NOX3: variants seen among roughly 807,000 people sequenced by gnomAD.
The protein encoded by NOX3 is NADPH oxidase 3.
Under a neutral mutation model 76.7 loss-of-function variants are expected in NOX3, and 74 were observed. The ratio of observed to expected loss-of-function variants is 0.96; its 90% confidence interval spans 0.80 to 1.17. NOX3 has a LOEUF of 1.17. NOX3 is among the 50% of genes most tolerant of loss of function. The pLI, the probability that NOX3 is intolerant of heterozygous loss-of-function variation, is 0.00. For missense variants in NOX3, 695 were observed against 703.3 expected, an observed-to-expected ratio of 0.99 and a Z score of 0.13; for synonymous variants, 263 against 261.1, an observed-to-expected ratio of 1.01 and a Z score of -0.07.
chr6:155,432,886 G>A (rs918842476), intron 7 of NOX3, among the ~76,000 whole-genome samples: 10 of 152,262 alleles, frequency 6.6e-5, no homozygotes, highest in East Asian at 1.9e-4. Context: ...GGGTTGGACC[G>A]AGCAAAGGAA....
chr6:155,416,317 G>A (rs1776620781), intron 10 of NOX3, among the ~76,000 whole-genome samples: 1 of 152,212 alleles, frequency 6.6e-6, no homozygotes, highest in African/African-American at 2.4e-5. Context: ...ATTTCTCTCT[G>A]TGAAAAGATA....
intron 12 of NOX3, among the ~76,000 whole-genome samples, chr6:155,397,686 C>T (rs1779157494): frequency 6.6e-6 from 1 of 152,162 alleles, no homozygotes; most frequent in African/African-American, 2.4e-5. Context: ...ATAATACATT[C>T]AAAAGGGTTT....
Position 155,443,360 on chromosome 6 carries a change from C to A in NOX3, c.399G>T (p.Glu133Asp), listed in dbSNP as rs1582946158. 3 of 1,614,040 alleles carry A rather than the reference C, an allele frequency of 1.9e-6. No individual in the cohort carries two copies. The highest frequency in any genetic ancestry group is 1.7e-6 in the Non-Finnish European group (2 of 1,179,954). The change falls in exon 5 of 14, where the codon GAG (glutamate) becomes GAT (aspartate). Residue 133 changes from glutamate to aspartate, a missense_variant. Transcript: ENST00000159060. ...GTGCGGCCAGAAGTCCCTGGGCCTC[C>A]TCGGACTGGCTCCAGTGGTAGCGTT... ...NLERYHWSQS[E>D]EAQGLLAALS...
At chr6:155,411,559 G>A (rs1776552745) in intron 10 of NOX3, among the ~76,000 whole-genome samples, 199 bp from the exon 11 acceptor site, 1 of 152,110 alleles carries the variant, frequency 6.6e-6, no homozygotes, top group Non-Finnish European at 1.5e-5. Flanking sequence ...GTTTGAAAAA[G>A]CCCAGAGTGA....
intron 7 of NOX3, among the ~76,000 whole-genome samples, chr6:155,433,012 G>A (rs554443097): frequency 4.6e-5 from 7 of 152,156 alleles, no homozygotes; most frequent in Non-Finnish European, 7.3e-5. Context: ...AGAGATACTG[G>A]CAAAGACACT....
At chr6:155,431,324 C>T (rs1325396596) in intron 7 of NOX3, among the ~76,000 whole-genome samples, 1 of 151,878 alleles carries the variant, frequency 6.6e-6, no homozygotes, top group Non-Finnish European at 1.5e-5. Flanking sequence ...CAACACAGGA[C>T]ATAAGAAATT....
At chr6:155,437,164 G>A (rs993380862) in intron 6 of NOX3, among the ~76,000 whole-genome samples, 5 of 152,194 alleles carry the variant, frequency 3.3e-5, no homozygotes, top group African/African-American at 1.2e-4. Context: ...ACTGGACGAA[G>A]AGTCCTATAA....
In NOX3 at chr6:155,428,898, G is replaced by C. The variant is rs1242510714; in HGVS notation, c.1041C>G (p.Asp347Glu). The change falls in exon 9 of 14, where the codon GAC becomes GAG. Residue 347 changes from aspartate (D) to glutamate (E), a missense_variant. By Grantham distance (45) the Asp-to-Glu change is conservative. Transcript: ENST00000159060. ...CTGCCCGGATGTGCACGCTGAAAAA[G>C]TCCTCCTGGGGGGCAGAGGTAAGGG... Reference protein sequence around the residue: ...PFTLTSAPQEDFFSVHIRAAG... With the variant: ...PFTLTSAPQEEFFSVHIRAAG... The C allele has an allele frequency of 1.9e-6, 3 of 1,613,808 alleles. No homozygotes were observed. In the South Asian group the frequency reaches 3.3e-5, roughly 18 times the overall value.
At position 155,434,343 on chromosome 6, in the gene NOX3, C is replaced by T. The variant is rs563497803; in HGVS notation, c.798+2075G>A. Among the ~76,000 whole-genome samples, 7 of 152,294 alleles carry T rather than the reference C, an allele frequency of 4.6e-5. No homozygotes were observed. In the South Asian group the frequency reaches 1.0e-3, roughly 23 times the overall value. ...CATAAAGTGCTTCTCCGGCCTAGGACGACCAGGCATCTTTTGAGACTGGAT... is the reference window on the plus strand; with the variant it reads ...CATAAAGTGCTTCTCCGGCCTAGGATGACCAGGCATCTTTTGAGACTGGAT... On this transcript the variant is annotated intron_variant, in intron 7 of 13. Transcript: ENST00000159060.
At position 155,443,339 on chromosome 6, in the gene NOX3, G is replaced by A. The variant is rs757136273; in HGVS notation, c.420C>T (p.Ala140=). Reference sequence around the variant, plus strand: ...GGGTGTTGCCCAGCTTGGAAAGTGCGGCCAGAAGTCCCTGGGCCTCCTCGG... The same window carrying A: ...GGGTGTTGCCCAGCTTGGAAAGTGCAGCCAGAAGTCCCTGGGCCTCCTCGG... ...SQSEEAQGLL[A]ALSKLGNTPN... Residue 140 remains alanine, a synonymous_variant, in exon 5 of 14, where the codon GCC becomes GCT. Coordinates refer to ENST00000159060, the MANE Select transcript of NOX3 (RefSeq NM_015718.3). 9.3e-6 allele frequency: 15 copies of A among 1,613,992 alleles called. No homozygotes were observed. The highest frequency in any genetic ancestry group is 1.3e-5 in the African/African-American group (1 of 74,892).
At chr6:155,450,408 G>A (rs1777118745) in intron 4 of NOX3, among the ~76,000 whole-genome samples, 1 of 152,164 alleles carries the variant, frequency 6.6e-6, no homozygotes, top group Non-Finnish European at 1.5e-5. Flanking sequence ...ATGCATATGT[G>A]TCCTGTACCA....
chr6:155,418,483 A>G lies in NOX3; in HGVS notation c.1308+4211T>C, dbSNP rs549279174. Among the ~76,000 whole-genome samples the G allele has an allele frequency of 1.1e-4, 17 of 152,252 alleles. No individual in the cohort carries two copies. In the South Asian group the frequency reaches 3.3e-3, roughly 30 times the overall value. ...GAAAATATTTCTTTCATGTATTACA[A>G]CTTTTTTCCATTTTCATCACAGCAA... On this transcript the variant is annotated intron_variant, in intron 10 of 13. Coordinates refer to ENST00000159060, the MANE Select transcript of NOX3 (RefSeq NM_015718.3).
chr6:155,434,758 C>T (rs771780646), intron 7 of NOX3, among the ~76,000 whole-genome samples: 10 of 152,118 alleles, frequency 6.6e-5, no homozygotes, highest in Non-Finnish European at 1.0e-4. Context: ...ATATTTTCCA[C>T]GTAAGACAAG....
At chr6:155,454,477 G>A (rs191694353) in intron 3 of NOX3, among the ~76,000 whole-genome samples, 9 of 152,320 alleles carry the variant, frequency 5.9e-5, no homozygotes, top group East Asian at 1.9e-4. Flanking sequence ...TCCTGGTGGC[G>A]TTTGTCTCAA....
At position 155,436,476 on chromosome 6, in the gene NOX3, G is replaced by C. The variant is rs201840949; in HGVS notation, c.740C>G (p.Ala247Gly). The change falls in exon 7 of 14, where the codon GCA becomes GGA. Residue 247 changes from alanine (A) to glycine (G), a missense_variant. Coordinates refer to ENST00000159060, the MANE Select transcript of NOX3 (RefSeq NM_015718.3). Reference sequence around the variant, plus strand: ...GCATTGGGCCACTGTCTGCCATTCTGCATAGCGGTCTCTACAGAAGGTGAT... The same window carrying C: ...GCATTGGGCCACTGTCTGCCATTCTCCATAGCGGTCTCTACAGAAGGTGAT... ...HNITFCRDRY[A>G]EWQTVAQCPV... 2 of 1,614,004 alleles carry C rather than the reference G, an allele frequency of 1.2e-6. No individual in the cohort carries two copies. Among genetic ancestry groups the C allele is most frequent in the Non-Finnish European group, 1.7e-6 (2 of 1,179,988 alleles).
At chr6:155,423,716 A>G (rs184310828) in intron 9 of NOX3, among the ~76,000 whole-genome samples, 166 of 149,270 alleles carry the variant, frequency 1.1e-3, no homozygotes, top group Middle Eastern at 0.01. Context: ...AATCTTCTCC[A>G]GTTTCTGTTC....
intron 5 of NOX3, among the ~76,000 whole-genome samples, chr6:155,441,046 G>C (rs186126618): frequency 5.9e-5 from 9 of 152,296 alleles, no homozygotes; most frequent in African/African-American, 1.7e-4. Flanking sequence ...TTATCTGGTG[G>C]ACACGGCTAA....
intron 9 of NOX3, among the ~76,000 whole-genome samples, chr6:155,426,756 C>T (rs374857249): frequency 1.1e-4 from 17 of 152,130 alleles, no homozygotes; most frequent in African/African-American, 3.6e-4. Context: ...TTGCAGCTGG[C>T]GATGCACTCC....
rs1365177411 is a variant in NOX3 at position 155,439,946 on chromosome 6, A to G, written c.668+10T>C. 2 of 1,610,268 alleles carry G rather than the reference A, an allele frequency of 1.2e-6. No individual in the cohort carries two copies. The highest frequency in any genetic ancestry group is 2.7e-5 in the African/African-American group (2 of 74,726). ...TAAAATCCTTGCAGAGGAGCGCAGT[A>G]TGGACTTACCCCGTCCCATGGATGG... On this transcript the variant is annotated intron_variant, in intron 6 of 13. Transcript: ENST00000159060.
Sources: gnomAD v4.1 joint callset for allele counts (sites outside exome capture counted in the v4.1 genomes callset) on GRCh38, gnomAD v4.1.1 for gene constraint, MANE v1.5 for transcripts, NCBI Gene and HGNC (gene_info 2026-07-23, HGNC 2026-07-21) for gene names.